The following LRRC9 variants were observed in gnomAD, a reference collection of about 807,000 sequenced individuals.
The protein encoded by LRRC9 is leucine rich repeat containing 9.
Under a neutral mutation model 63.2 loss-of-function variants are expected in LRRC9, and 122 were observed. The observed-to-expected ratio is 1.93, with a 90% CI of 1.67 to 2.24. The LOEUF (loss-of-function observed/expected upper bound fraction) is 2.24, where lower values mean the gene tolerates loss of function less well. Among genes scored for constraint, LRRC9 ranks in the 30% most tolerant of loss-of-function variants. LRRC9 has a pLI of 0.00. For missense variants in LRRC9, 1,071 were observed against 627.7 expected (o/e 1.71, Z -7.55); for synonymous variants, 366 against 213.1 (o/e 1.72, Z -6.25).
chr14:59,988,783 TG>T lies in LRRC9; in HGVS notation c.2211+3561del, dbSNP rs1887751255. 1.3e-5 allele frequency among the ~76,000 whole-genome samples: 2 copies of T among 152,160 alleles called. 1 individual carries two copies. Among genetic ancestry groups the T allele is most frequent in the South Asian group, 4.1e-4 (2 of 4,834 alleles). ...TACTTCTCATCACCAGTCTTTATTTTGGTATCTTTCTAAACATTTTGATTGT... is the reference window on the plus strand; with the variant it reads ...TACTTCTCATCACCAGTCTTTATTTTGTATCTTTCTAAACATTTTGATTGT... On this transcript the variant is annotated intron_variant, in intron 17 of 31. Coordinates refer to ENST00000445360, the Ensembl canonical transcript of LRRC9.
At chr14:60,041,864 T>C (rs1051010070) in intron 29 of LRRC9, among the ~76,000 whole-genome samples, 1 of 152,234 alleles carries the variant, frequency 6.6e-6, no homozygotes, top group Non-Finnish European at 1.5e-5. Flanking sequence ...CTCTGTTTTT[T>C]CCCCATCTTT....
At chr14:60,066,386 T>C (rs1243688845), downstream of LRRC9, among the ~76,000 whole-genome samples, 1 of 152,154 alleles carries the variant, frequency 6.6e-6, no homozygotes, top group Non-Finnish European at 1.5e-5. Flanking sequence ...TTCAATTAAA[T>C]ATTACTTACA....
In LRRC9 at chr14:60,051,303, G is replaced by A. The variant is rs1356793269; in HGVS notation, c.3991-1762G>A. 1.3e-5 allele frequency among the ~76,000 whole-genome samples: 2 copies of A among 152,168 alleles called. No homozygotes were observed. Among genetic ancestry groups the A allele is most frequent in the Non-Finnish European group, 2.9e-5 (2 of 68,014 alleles). ...GTGACTCCAGGCCCCCCACAAGGGG[G>A]CCCCGCCCAGTGAGGAAGAATGGAT... is the stretch of plus-strand genomic sequence containing the variant. On this transcript the variant is annotated intron_variant, in intron 29 of 31. Coordinates refer to ENST00000445360, the Ensembl canonical transcript of LRRC9. This position sits in a 1 kb window ranked among gnomAD's most constrained non-coding sequence, Gnocchi z 4.7.
intron 6 of LRRC9, among the ~76,000 whole-genome samples, chr14:59,934,894 A>G (rs1425906982): frequency 2.0e-5 from 3 of 152,144 alleles, no homozygotes; most frequent in African/African-American, 4.8e-5. Context: ...AGAATAAAGG[A>G]TAAGTGAGCA....
Position 59,958,635 on chromosome 14 carries a change from G to T in LRRC9, c.883-1183G>T, listed in dbSNP as rs1407099431. Among the ~76,000 whole-genome samples the T allele has an allele frequency of 6.6e-6, 1 of 152,214 alleles. No individual in the cohort carries two copies. The highest frequency in any genetic ancestry group is 6.5e-5 in the Admixed American group (1 of 15,288). On this transcript the variant is annotated intron_variant, in intron 8 of 31. Transcript: ENST00000445360. This position sits in a 1 kb window ranked among gnomAD's most constrained non-coding sequence, Gnocchi z 4.0. Reference sequence around the variant, plus strand: ...AGTCCGCTTTGCAGGGGAGTGAAAGGTTCTCTCTCGCTGGGGTTCCAGGTT... The same window carrying T: ...AGTCCGCTTTGCAGGGGAGTGAAAGTTTCTCTCTCGCTGGGGTTCCAGGTT...
intron 12 of LRRC9, among the ~76,000 whole-genome samples, chr14:59,968,660 T>G (rs973537266): frequency 6.6e-6 from 1 of 151,848 alleles, no homozygotes; most frequent in African/African-American, 2.4e-5. Flanking sequence ...GAATTCAGGG[T>G]TTTACAAGGC....
chr14:60,006,105 G>T (rs1000272698), intron 21 of LRRC9, among the ~76,000 whole-genome samples: 2 of 152,098 alleles, frequency 1.3e-5, no homozygotes, highest in South Asian at 4.2e-4. Flanking sequence ...ATCATTTTAA[G>T]GTTATTTGAA....
intron 8 of LRRC9, among the ~76,000 whole-genome samples, chr14:59,945,342 T>G (rs1287429333): frequency 6.6e-6 from 1 of 152,120 alleles, no homozygotes; most frequent in South Asian, 2.1e-4. Context: ...TTCCTGTATT[T>G]TTTTCAGTAT....
At chr14:60,046,093 C>T (rs771666795) in intron 29 of LRRC9, among the ~76,000 whole-genome samples, 5 of 152,086 alleles carry the variant, frequency 3.3e-5, no homozygotes, top group Admixed American at 2.0e-4. Flanking sequence ...CTGTTCATGT[C>T]CTTTGCCCAC....
intron 17 of LRRC9, among the ~76,000 whole-genome samples, chr14:59,996,197 G>C (rs1204988194): frequency 6.6e-6 from 1 of 151,842 alleles, no homozygotes; most frequent in African/African-American, 2.4e-5. Context: ...TTACTTAAAG[G>C]TGTTTTTTTT....
chr14:59,921,717 A>ATTTT (rs57938700), intron 1 of LRRC9, among the ~76,000 whole-genome samples: 5 of 121,158 alleles, frequency 4.1e-5, no homozygotes, highest in Admixed American at 8.5e-5. Flanking sequence ...GGGCAGTTGG[A>ATTTT]TTTTTTTTTT....
At chr14:59,931,709 A>G (rs1889717247) in intron 5 of LRRC9, 27 bp downstream of exon 5, 2 of 669,078 alleles carry the variant, frequency 3.0e-6, no homozygotes, top group Non-Finnish European at 5.4e-6. Flanking sequence ...TTGGAATCTG[A>G]GATAATGCTA....
intron 3 of LRRC9, among the ~76,000 whole-genome samples, chr14:59,929,078 T>G (rs1268871136): frequency 3.3e-5 from 5 of 152,088 alleles, no homozygotes; most frequent in Admixed American, 3.3e-4. Context: ...AAATGGGATC[T>G]AATTAAACTA....
chr14:60,016,092 A>T (rs1309077577), intron 23 of LRRC9, among the ~76,000 whole-genome samples: 1 of 152,052 alleles, frequency 6.6e-6, no homozygotes, highest in Non-Finnish European at 1.5e-5. Flanking sequence ...CCCAGTAGAG[A>T]TTATGAGGCA....
intron 22 of LRRC9, among the ~76,000 whole-genome samples, 149 bp from the exon 23 acceptor site, chr14:60,007,940 TAAA>T (rs398043778): frequency 0.53 from 66,904 of 127,012 alleles, 17,551 homozygotes; most frequent in Non-Finnish European, 0.55. Context: ...ACCATGTCTT[TAAA>T]AAAAAAAAAA....
intron 7 of LRRC9, among the ~76,000 whole-genome samples, chr14:59,940,877 A>T (rs1338042341): frequency 6.6e-6 from 1 of 152,096 alleles, no homozygotes; most frequent in African/African-American, 2.4e-5. Context: ...TTTTCTTAAA[A>T]GTTTGTTTTA....
chr14:60,036,377 C>T (rs982495697), intron 29 of LRRC9, among the ~76,000 whole-genome samples: 5 of 152,128 alleles, frequency 3.3e-5, no homozygotes, highest in African/African-American at 1.2e-4. Flanking sequence ...TGCTAAGAGG[C>T]ATTAGTGGTC....
At chr14:59,999,353 C>A (rs2140195666) in intron 19 of LRRC9, 127 bp downstream of exon 19, 3 of 483,894 alleles carry the variant, frequency 6.2e-6, no homozygotes, top group East Asian at 6.4e-5. Context: ...TAATATAGAG[C>A]AATCATACCA....
intron 17 of LRRC9, among the ~76,000 whole-genome samples, chr14:59,996,003 G>A (rs1455241171): frequency 2.0e-5 from 3 of 152,148 alleles, no homozygotes; most frequent in Admixed American, 6.5e-5. Flanking sequence ...GCCTCCCAAA[G>A]TGCTGGGATT....
Sources: gnomAD v4.1 joint callset for allele counts (sites outside exome capture counted in the v4.1 genomes callset) on GRCh38, gnomAD v4.1.1 for gene constraint, Gnocchi (gnomAD v3.1) non-coding constraint, MANE v1.5 for transcripts, NCBI Gene and HGNC (gene_info 2026-07-23, HGNC 2026-07-21) for gene names.